Variants in SRRD observed in about 807,000 individuals in gnomAD.
The protein encoded by SRRD is SRR1-like protein.
Under a neutral mutation model 30.7 loss-of-function variants are expected in SRRD, and 28 were observed. The ratio of observed to expected loss-of-function variants is 0.91; its 90% CI spans 0.68 to 1.25. The LOEUF (loss-of-function observed/expected upper bound fraction) is 1.25. SRRD is among the 50% of genes most tolerant of loss of function. The probability of loss-of-function intolerance (pLI) is 0.00; values close to 1 mark genes in which losing one functional copy is unlikely to be tolerated. For missense variants in SRRD, 415 were observed against 417.3 expected, an observed-to-expected ratio of 0.99 and a Z score of 0.05; for synonymous variants, 161 against 159.6, an observed-to-expected ratio of 1.01 and a Z score of -0.07.
intron 1 of SRRD, among the ~76,000 whole-genome samples, chr22:26,485,306 T>A (rs1337284453): frequency 6.6e-6 from 1 of 152,218 alleles, no homozygotes; most frequent in Non-Finnish European, 1.5e-5. Flanking sequence ...AAAGCATTCC[T>A]GTGTACATCA....
At position 26,483,915 on chromosome 22, in the gene SRRD, C is replaced by T; in HGVS notation, c.25C>T (p.Leu9=). The part of the protein sequence containing the change: MAAAAAAA[L]ESWQAAAPRK... ...AATGGCTGCGGCCGCAGCTGCGGCGCTGGAATCCTGGCAGGCGGCGGCTCC... is the reference window on the plus strand; with the variant it reads ...AATGGCTGCGGCCGCAGCTGCGGCGTTGGAATCCTGGCAGGCGGCGGCTCC... Residue 9 remains leucine, a synonymous_variant, in exon 1 of 7, where the codon CTG becomes TTG. Transcript: ENST00000215917. 1 of 1,350,024 alleles carries T rather than the reference C, an allele frequency of 7.4e-7. No homozygotes were observed. The highest frequency in any genetic ancestry group is 3.1e-5 in the East Asian group (1 of 32,304). 83.6% of individuals were successfully genotyped at this position (1,350,024 alleles called of 1,614,324 possible).
In SRRD at chr22:26,484,004, G is replaced by T; in HGVS notation, c.114G>T (p.Glu38Asp). The T allele has an allele frequency of 7.3e-7, 1 of 1,362,096 alleles. No homozygotes were observed. Among genetic ancestry groups the T allele is most frequent in the Non-Finnish European group, 9.4e-7 (1 of 1,061,382 alleles). 84.4% of individuals were successfully genotyped at this position (1,362,096 alleles called of 1,614,324 possible). A position where few individuals can be genotyped will look rare whatever the true frequency, so the allele number is the denominator to read the frequency against. Residue 38 changes from glutamate to aspartate, a missense_variant, in exon 1 of 7, where the codon GAG becomes GAT. By Grantham distance (45) the Glu-to-Asp change is conservative. Coordinates refer to ENST00000215917, the MANE Select transcript of SRRD (RefSeq NM_001013694.3). Reference sequence around the variant, plus strand: ...GGGAGGCGGCGCCCCGGGGGAGAGAGGCGGCGCCCCGGGGGAGAGAGGCGG... The same window carrying T: ...GGGAGGCGGCGCCCCGGGGGAGAGATGCGGCGCCCCGGGGGAGAGAGGCGG... ...RRREAAPRGR[E>D]AAPRGREAAP...
At position 26,486,860 on chromosome 22, in the gene SRRD, C is replaced by T. The variant is rs533135026; in HGVS notation, c.250+797C>T. ...TCACCAATTCTTTTATCAAAATTGA[C>T]CTGAAGAGCCAGTTTTTCCTGGCTT... On this transcript the variant is annotated intron_variant, in intron 2 of 6. Coordinates refer to ENST00000215917, the MANE Select transcript of SRRD (RefSeq NM_001013694.3). Among the ~76,000 whole-genome samples, 3 of 151,508 alleles carry T rather than the reference C, an allele frequency of 2.0e-5. No homozygotes were observed. In the East Asian group the frequency reaches 5.8e-4, roughly 29 times the overall value.
rs1921361511 is a variant in SRRD at position 26,492,678 on chromosome 22, C to G, written c.*1006C>G. On this transcript the variant is annotated 3_prime_UTR_variant, in exon 7 of 7. Coordinates refer to ENST00000215917, the MANE Select transcript of SRRD (RefSeq NM_001013694.3). ...TAACAGAGAGTCCTCAGCCACTCTT[C>G]TGTTCCCACCTTGCTCTGTAGAGTT... 1.2e-5 allele frequency: 4 copies of G among 329,034 alleles called. No homozygotes were observed. Among genetic ancestry groups the G allele is most frequent in the South Asian group, 6.7e-5 (2 of 29,892 alleles). 20.4% of individuals were successfully genotyped at this position (329,034 alleles called of 1,614,324 possible). A position where few individuals can be genotyped will look rare whatever the true frequency, so the allele number is the denominator to read the frequency against.
intron 2 of SRRD, among the ~76,000 whole-genome samples, chr22:26,487,804 T>G (rs1287177009): frequency 1.3e-5 from 2 of 152,212 alleles, no homozygotes; most frequent in Non-Finnish European, 2.9e-5. Flanking sequence ...TCTTGGGTTT[T>G]GGGAGTCCAG....
In SRRD at chr22:26,494,234, G is replaced by A. The variant is rs149764032; in HGVS notation, c.*2562G>A. The A allele has an allele frequency of 4.3e-6, 7 of 1,614,042 alleles. No individual in the cohort carries two copies. Among genetic ancestry groups the A allele is most frequent in the South Asian group, 1.1e-5 (1 of 91,076 alleles). On this transcript the variant is annotated 3_prime_UTR_variant, in exon 7 of 7. Coordinates refer to ENST00000215917, the MANE Select transcript of SRRD (RefSeq NM_001013694.3). ...TGCCAGCACTTGGTCTGAGAACATCGACTTCCAACCCAGGTACCACTTGGT... is the reference window on the plus strand; with the variant it reads ...TGCCAGCACTTGGTCTGAGAACATCAACTTCCAACCCAGGTACCACTTGGT...
At chr22:26,486,386 C>G (rs914298190) in intron 2 of SRRD, among the ~76,000 whole-genome samples, 4 of 152,178 alleles carry the variant, frequency 2.6e-5, no homozygotes, top group Non-Finnish European at 4.4e-5. Context: ...TACAATGTAG[C>G]CTTTTCCTCG....
chr22:26,487,598 C>T lies in SRRD; in HGVS notation c.251-431C>T, dbSNP rs1175929922. On this transcript the variant is annotated intron_variant, in intron 2 of 6. Transcript: ENST00000215917. ...CTGGTCTTGAATTCCTGACCTCAGGCGATCCACTCACCTAGGCCTCCCAAA... is the reference window on the plus strand; with the variant it reads ...CTGGTCTTGAATTCCTGACCTCAGGTGATCCACTCACCTAGGCCTCCCAAA... Among the ~76,000 whole-genome samples the T allele has an allele frequency of 3.9e-5, 6 of 152,150 alleles. No individual in the cohort carries two copies. The East Asian group carries it at 1.2e-3, about 29-fold the overall frequency.
intron 5 of SRRD, 35 bp from the exon 6 acceptor site, chr22:26,490,990 T>G (rs759574918): frequency 7.6e-6 from 12 of 1,589,096 alleles, no homozygotes; most frequent in African/African-American, 4.1e-5. Flanking sequence ...TCATGGTGTT[T>G]TTTTTTTGTT....
Position 26,491,755 on chromosome 22 carries a change from G to T in SRRD, c.*83G>T. 1 of 1,289,512 alleles carries T rather than the reference G, an allele frequency of 7.8e-7. No homozygotes were observed. The highest frequency in any genetic ancestry group is 1.3e-5 in the South Asian group (1 of 74,540). The allele number at this position is 1,289,512 out of a possible 1,614,324, so 79.9% of individuals were successfully genotyped here. On this transcript the variant is annotated 3_prime_UTR_variant, in exon 7 of 7. Transcript: ENST00000215917. ...GGAAGGCTGCTATGGAGGAACTACA[G>T]AGAACTCCTTTGCCAGGAAAGAACA... is the stretch of plus-strand genomic sequence containing the variant.
chr22:26,489,060 C>T (rs554329533), intron 4 of SRRD, among the ~76,000 whole-genome samples: 19 of 152,264 alleles, frequency 1.2e-4, no homozygotes, highest in Middle Eastern at 3.4e-3. Context: ...CCTCCGATTT[C>T]GGTTTTGTAT....
At chr22:26,484,461 C>T (rs1421795910) in intron 1 of SRRD, among the ~76,000 whole-genome samples, 2 of 152,154 alleles carry the variant, frequency 1.3e-5, no homozygotes, top group African/African-American at 4.8e-5. Flanking sequence ...CCAGTGTTTG[C>T]TATTAATATT....
rs1459433107 is a variant in SRRD at position 26,494,566 on chromosome 22, G to C, written c.*2894G>C. On this transcript the variant is annotated 3_prime_UTR_variant, in exon 7 of 7. Coordinates refer to ENST00000215917, the MANE Select transcript of SRRD (RefSeq NM_001013694.3). Reference sequence around the variant, plus strand: ...GGGATACCATATCCCCTACCCCATAGGGTTGCTGAGAGGAGCTGAGATAAA... The same window carrying C: ...GGGATACCATATCCCCTACCCCATACGGTTGCTGAGAGGAGCTGAGATAAA... 2 of 709,954 alleles carry C rather than the reference G, an allele frequency of 2.8e-6. No individual in the cohort carries two copies. Among genetic ancestry groups the C allele is most frequent in the Non-Finnish European group, 4.6e-6 (2 of 436,348 alleles). The allele number at this position is 709,954 out of a possible 1,614,324, so 44.0% of individuals were successfully genotyped here. A position where few individuals can be genotyped will look rare whatever the true frequency, so the allele number is the denominator to read the frequency against.
Position 26,493,422 on chromosome 22 carries a change from C to G in SRRD, c.*1750C>G, listed in dbSNP as rs186259475. ...ATGTGACCTTGAACAGGCTCTCAGC[C>G]TCGCTGGGCTTATCTGTAAAACACA... On this transcript the variant is annotated 3_prime_UTR_variant, in exon 7 of 7. Coordinates refer to ENST00000215917, the MANE Select transcript of SRRD (RefSeq NM_001013694.3). 8.5e-5 allele frequency: 13 copies of G among 152,264 alleles called. No individual in the cohort carries two copies. The highest frequency in any genetic ancestry group is 3.1e-4 in the African/African-American group (13 of 41,452). 9.4% of individuals were successfully genotyped at this position (152,264 alleles called of 1,614,324 possible). A position where few individuals can be genotyped will look rare whatever the true frequency, so the allele number is the denominator to read the frequency against.
At position 26,491,929 on chromosome 22, in the gene SRRD, T is replaced by C. The variant is rs964255542; in HGVS notation, c.*257T>C. 3 of 1,345,546 alleles carry C rather than the reference T, an allele frequency of 2.2e-6. No homozygotes were observed. The highest frequency in any genetic ancestry group is 2.9e-5 in the African/African-American group (2 of 68,798). The allele number at this position is 1,345,546 out of a possible 1,614,324, so 83.4% of individuals were successfully genotyped here. A position where few individuals can be genotyped will look rare whatever the true frequency, so the allele number is the denominator to read the frequency against. On this transcript the variant is annotated 3_prime_UTR_variant, in exon 7 of 7. Coordinates refer to ENST00000215917, the MANE Select transcript of SRRD (RefSeq NM_001013694.3). ...GCTCCTGAGTAAAGAAGTTACCCTT[T>C]TGAAGGTGATCTAAAAATACTGTTT...
rs374591064 is a variant in SRRD, at chr22:26,491,663, T to C, written c.1011T>C (p.Ala337=). 7 of 1,610,142 alleles carry C rather than the reference T, an allele frequency of 4.3e-6. No individual in the cohort carries two copies. In the African/African-American group the frequency reaches 9.3e-5, roughly 21 times the overall value. ...IIRNKREDPS[A]TD is the part of the protein sequence containing the mutation. The stretch of plus-strand genomic sequence containing the variant: ...GGAACAAGAGAGAAGATCCTTCTGC[T>C]ACTGACTGAACTCGTTGTGAGGTAC... Residue 337 remains alanine (A), a synonymous_variant, in exon 7 of 7, where the codon GCT becomes GCC. Transcript: ENST00000215917.
chr22:26,483,976 G>C lies in SRRD; in HGVS notation c.86G>C (p.Arg29Pro). 7.4e-7 allele frequency: 1 copy of C among 1,360,078 alleles called. No homozygotes were observed. Among genetic ancestry groups the C allele is most frequent in the Non-Finnish European group, 9.4e-7 (1 of 1,065,048 alleles). The allele number at this position is 1,360,078 out of a possible 1,614,324, so 84.3% of individuals were successfully genotyped here. Residue 29 changes from arginine (R) to proline (P), a missense_variant, in exon 1 of 7, where the codon CGG becomes CCG. Transcript: ENST00000215917. ...KRRSAARRPR[R>P]REAAPRGREA... ...CGCTCCGCGGCTCGACGGCCGCGGC[G>C]GAGGGAGGCGGCGCCCCGGGGGAGA...
At chr22:26,490,559 C>CCTTTTTTTTTTTTTTTT (rs1182177256) in intron 5 of SRRD, among the ~76,000 whole-genome samples, 1 of 51,834 alleles carries the variant, frequency 1.9e-5, no homozygotes, top group Non-Finnish European at 3.4e-5. Flanking sequence ...GGAATATTTG[C>CCTTTTTTTTTTTTTTTT]TTTTTTTTTT....
At chr22:26,490,231 C>G in intron 5 of SRRD, 33 bp downstream of exon 5, 1 of 1,612,204 alleles carries the variant, frequency 6.2e-7, no homozygotes, top group Non-Finnish European at 8.5e-7. Flanking sequence ...TCTGTCAGGC[C>G]CTGAGGTGAA....
Sources: gnomAD v4.1 joint callset for allele counts (sites outside exome capture counted in the v4.1 genomes callset) on GRCh38, gnomAD v4.1.1 for gene constraint, MANE v1.5 for transcripts, NCBI Gene and HGNC (gene_info 2026-07-23, HGNC 2026-07-21) for gene names.